Variants in SNX13 observed in about 807,000 individuals in gnomAD.
The protein encoded by SNX13 is sorting nexin-13.
SNX13 carries 45 observed loss-of-function variants against 133.6 expected under a neutral mutation model. The ratio of observed to expected loss-of-function variants is 0.34; its 90% confidence interval spans 0.27 to 0.43. SNX13 has a LOEUF of 0.43. SNX13 is among the 20% of genes least tolerant of loss of function. The pLI, the probability that SNX13 is intolerant of heterozygous loss-of-function variation, is 1.00. For synonymous variants in SNX13, 414 were observed against 373.9 expected (o/e 1.11, Z -1.24); for missense variants, 1,032 against 1,145.1 (o/e 0.90, Z 1.43).
chr7:17,873,528 C>T lies in SNX13; in HGVS notation c.753G>A (p.Arg251=). 6.4e-7 allele frequency: 1 copy of T among 1,563,276 alleles called. No homozygotes were observed. The highest frequency in any genetic ancestry group is 1.2e-5 in the South Asian group (1 of 81,408). The change falls in exon 8 of 26, where the codon AGG becomes AGA. Residue 251 remains arginine (R), a splice_region_variant and synonymous_variant. Coordinates refer to ENST00000428135, the MANE Select transcript of SNX13 (RefSeq NM_015132.5). ...FQNKIMRYFV[R]EILARGILLP... ...TGATATGGTATGAGTTTAAGCTTAC[C>T]CTGACAAAGTATCGCATGATCTTGT...
At chr7:17,907,690 T>C (rs1180351185) in intron 1 of SNX13, among the ~76,000 whole-genome samples, 1 of 152,220 alleles carries the variant, frequency 6.6e-6, no homozygotes, top group Non-Finnish European at 1.5e-5. Context: ...GTTTATCTGA[T>C]GCTGAGTCCA....
At chr7:17,873,408 A>C (rs1794343215) in intron 8 of SNX13, 120 bp downstream of exon 8, 13 of 455,644 alleles carry the variant, frequency 2.9e-5, no homozygotes, top group Admixed American at 4.3e-5. Context: ...TCACATAAAC[A>C]AAAGCTCTTT....
intron 5 of SNX13, chr7:17,880,471 A>G (rs988441351): frequency 1.3e-5 from 2 of 152,196 alleles, no homozygotes; most frequent in African/African-American, 4.8e-5. Flanking sequence ...TTTTATTTCA[A>G]CGTGTTTGAT....
At chr7:17,925,539 TA>T (rs1562533518) in intron 1 of SNX13, among the ~76,000 whole-genome samples, 1 of 151,910 alleles carries the variant, frequency 6.6e-6, no homozygotes, top group Non-Finnish European at 1.5e-5. Flanking sequence ...AGATTCAAGA[TA>T]AAACAAAATA....
At chr7:17,917,709 A>G (rs528410343) in intron 1 of SNX13, among the ~76,000 whole-genome samples, 28 of 152,310 alleles carry the variant, frequency 1.8e-4, no homozygotes, top group African/African-American at 6.3e-4. Context: ...TACTGTTAAA[A>G]CGGCCATAGT....
At chr7:17,834,590 C>T (rs962591274) in intron 14 of SNX13, among the ~76,000 whole-genome samples, 171 bp downstream of exon 14, 2 of 151,574 alleles carry the variant, frequency 1.3e-5, no homozygotes, top group African/African-American at 2.4e-5. Context: ...AGAAAATTAA[C>T]GAAATAAACA....
chr7:17,895,401 A>G (rs1481325654), intron 2 of SNX13, among the ~76,000 whole-genome samples: 1 of 152,162 alleles, frequency 6.6e-6, no homozygotes, highest in Non-Finnish European at 1.5e-5. Context: ...TTCCAAAAGC[A>G]TTCTTTATAT....
At chr7:17,821,229 C>T (rs1787245192) in intron 18 of SNX13, among the ~76,000 whole-genome samples, 1 of 152,180 alleles carries the variant, frequency 6.6e-6, no homozygotes, top group Admixed American at 6.5e-5. Flanking sequence ...GCACAATACA[C>T]ACACGCAAAT....
intron 16 of SNX13, among the ~76,000 whole-genome samples, chr7:17,828,367 A>T (rs529665714): frequency 2.6e-5 from 4 of 151,732 alleles, no homozygotes; most frequent in African/African-American, 9.6e-5. Context: ...TGATTCTTAA[A>T]CTCCTTGTAA....
intron 24 of SNX13, among the ~76,000 whole-genome samples, chr7:17,798,221 A>G (rs1784266270): frequency 6.6e-6 from 1 of 151,914 alleles, no homozygotes; most frequent in African/African-American, 2.4e-5. Flanking sequence ...GTAGAAAGAA[A>G]TATGAAGTAG....
At chr7:17,890,292 A>G in intron 5 of SNX13, 71 bp downstream of exon 5, 2 of 1,427,562 alleles carry the variant, frequency 1.4e-6, no homozygotes, top group Admixed American at 2.2e-5. Context: ...CTCCCCTTAA[A>G]AGTTGTTTTC....
intron 16 of SNX13, among the ~76,000 whole-genome samples, chr7:17,827,213 T>TG (rs1484358411): frequency 3.9e-5 from 6 of 152,166 alleles, no homozygotes; most frequent in African/African-American, 1.4e-4. Context: ...AGTAAGACTA[T>TG]GGTATGTTCT....
chr7:17,806,137 T>G (rs1468387244), intron 20 of SNX13, among the ~76,000 whole-genome samples: 1 of 152,212 alleles, frequency 6.6e-6, no homozygotes, highest in Non-Finnish European at 1.5e-5. Flanking sequence ...AGCTGAGTTA[T>G]TTGTATTGTT....
At chr7:17,907,867 T>C (rs1798563964) in intron 1 of SNX13, among the ~76,000 whole-genome samples, 1 of 152,186 alleles carries the variant, frequency 6.6e-6, no homozygotes, top group Admixed American at 6.5e-5. Flanking sequence ...TTTACCTTCT[T>C]ATAGTCTTAC....
At chr7:17,823,533 T>C (rs1368815401) in intron 17 of SNX13, among the ~76,000 whole-genome samples, 2 of 152,174 alleles carry the variant, frequency 1.3e-5, no homozygotes, top group Non-Finnish European at 2.9e-5. Context: ...TTTTCTAAGA[T>C]TTGTACTTTC....
rs1788955540 is a variant in SNX13, at chr7:17,834,849, G to T, written c.1376C>A (p.Thr459Asn). ...YLSEKASPRVTVDDYLVAKLA... is the reference protein window; with the variant it reads ...YLSEKASPRVNVDDYLVAKLA... The stretch of plus-strand genomic sequence containing the variant: ...TTTTGCTACTAAATAGTCATCAACA[G>T]TAACTCTTGGAGATGCCTAACAGAG... The change falls in exon 14 of 26, where the codon ACT becomes AAT. Residue 459 changes from threonine to asparagine, a missense_variant. Transcript: ENST00000428135. 2 of 1,604,680 alleles carry T rather than the reference G, an allele frequency of 1.2e-6. No homozygotes were observed.
intron 12 of SNX13, among the ~76,000 whole-genome samples, chr7:17,842,200 A>C (rs1466885128): frequency 6.6e-6 from 1 of 152,114 alleles, no homozygotes; most frequent in Non-Finnish European, 1.5e-5. Flanking sequence ...ACTTTCAAAA[A>C]ATAAATCATC....
At chr7:17,927,557 T>C (rs929016254) in intron 1 of SNX13, among the ~76,000 whole-genome samples, 2 of 152,180 alleles carry the variant, frequency 1.3e-5, no homozygotes, top group Non-Finnish European at 2.9e-5. Flanking sequence ...ATTAAAATAT[T>C]CTTGACTGTC....
At chr7:17,849,417 A>G (rs1174249719) in intron 11 of SNX13, among the ~76,000 whole-genome samples, 1 of 152,104 alleles carries the variant, frequency 6.6e-6, no homozygotes, top group African/African-American at 2.4e-5. Flanking sequence ...ATTGCAAATA[A>G]TCTCTCAGTT....
Sources: gnomAD v4.1 joint callset for allele counts (sites outside exome capture counted in the v4.1 genomes callset) on GRCh38, gnomAD v4.1.1 for gene constraint, MANE v1.5 for transcripts, NCBI Gene and HGNC (gene_info 2026-07-23, HGNC 2026-07-21) for gene names.